The following AXDND1 variants were observed in gnomAD, a reference collection of about 807,000 sequenced individuals.
AXDND1 encodes the protein axonemal dynein light chain domain containing 1.
A neutral mutation model predicts 137.5 loss-of-function variants in AXDND1; 110 were observed. The observed-to-expected ratio is 0.80, with a 90% CI of 0.69 to 0.94. AXDND1 has a LOEUF of 0.94. AXDND1 is among the 40% of genes least tolerant of loss of function. The pLI, the probability that AXDND1 is intolerant of heterozygous loss-of-function variation, is 0.00. For missense variants in AXDND1, 1,191 were observed against 1,169.8 expected (o/e 1.02, Z -0.26); for synonymous variants, 414 against 399.7 (o/e 1.04, Z -0.43).
chr1:179,396,591 T>G (rs1482070762), intron 11 of AXDND1, among the ~76,000 whole-genome samples: 1 of 151,360 alleles, frequency 6.6e-6, no homozygotes, highest in East Asian at 1.9e-4. Context: ...GAGGTTGCAG[T>G]GAGCCGAGAC....
At chr1:179,420,302 A>G (rs947550880) in intron 12 of AXDND1, among the ~76,000 whole-genome samples, 3 of 152,212 alleles carry the variant, frequency 2.0e-5, no homozygotes, top group African/African-American at 7.2e-5. Flanking sequence ...CCACTTGATC[A>G]TGGTGAATGA....
intron 16 of AXDND1, chr1:179,448,431 TCTG>T (rs1270105363): frequency 2.0e-5 from 11 of 557,358 alleles, no homozygotes; most frequent in African/African-American, 1.9e-4. Context: ...TGTATTTTCT[TCTG>T]CACCATTTTC....
At chr1:179,503,891 G>T in intron 20 of AXDND1, among the ~76,000 whole-genome samples, 1 of 152,282 alleles carries the variant, frequency 6.6e-6, no homozygotes, top group Non-Finnish European at 1.5e-5. Context: ...TATAAACAGT[G>T]TAAGAGCATA....
At chr1:179,502,455 T>C (rs553921886) in intron 20 of AXDND1, among the ~76,000 whole-genome samples, 3 of 148,984 alleles carry the variant, frequency 2.0e-5, no homozygotes, top group South Asian at 2.1e-4. Context: ...TCCCAGCTAC[T>C]GGGGAGGCTG....
intron 6 of AXDND1, 121 bp from the exon 7 acceptor site, chr1:179,382,579 C>G: frequency 1.5e-6 from 1 of 649,098 alleles, no homozygotes; most frequent in Non-Finnish European, 2.7e-6. Flanking sequence ...CCAAGCAGTA[C>G]TCATTCCTTT....
chr1:179,367,488 C>A (rs1667563899), intron 2 of AXDND1, among the ~76,000 whole-genome samples: 1 of 152,100 alleles, frequency 6.6e-6, no homozygotes, highest in Admixed American at 6.5e-5. Flanking sequence ...GCACTCCAGC[C>A]TGGCGACAGA....
chr1:179,375,910 A>G (rs945569796), intron 4 of AXDND1, among the ~76,000 whole-genome samples: 5 of 152,168 alleles, frequency 3.3e-5, no homozygotes, highest in African/African-American at 4.8e-5. Flanking sequence ...ACCAATATAT[A>G]CGTTTAAAAA....
intron 19 of AXDND1, 35 bp from the exon 20 acceptor site, chr1:179,492,820 T>C (rs1254774672): frequency 7.1e-7 from 1 of 1,410,162 alleles, no homozygotes; most frequent in Non-Finnish European, 9.9e-7. Flanking sequence ...GTGTATTTGC[T>C]CTTTTTCTTT....
At chr1:179,507,625 T>C (rs930831962) in intron 20 of AXDND1, among the ~76,000 whole-genome samples, 1 of 152,170 alleles carries the variant, frequency 6.6e-6, no homozygotes, top group African/African-American at 2.4e-5. Flanking sequence ...AATTGATGAA[T>C]ATCACTGAAA....
intron 11 of AXDND1, 39 bp from the exon 12 acceptor site, chr1:179,411,107 T>A (rs774501315): frequency 1.4e-6 from 2 of 1,460,170 alleles, no homozygotes; most frequent in Admixed American, 2.2e-5. Flanking sequence ...ATATTGTTAG[T>A]ATAAATTAAA....
At chr1:179,535,844 T>C (rs1671500959) in intron 25 of AXDND1, among the ~76,000 whole-genome samples, 1 of 152,026 alleles carries the variant, frequency 6.6e-6, no homozygotes, top group African/African-American at 2.4e-5. Context: ...CCACCAACAG[T>C]GTAAAAGTGT....
chr1:179,375,799 C>T (rs192269870), intron 4 of AXDND1, among the ~76,000 whole-genome samples: 8 of 152,144 alleles, frequency 5.3e-5, no homozygotes, highest in African/African-American at 1.4e-4. Flanking sequence ...AGAAAGAATC[C>T]GGAGGATTGG....
intron 15 of AXDND1, among the ~76,000 whole-genome samples, chr1:179,434,351 T>A (rs1417071671): frequency 6.6e-6 from 1 of 152,180 alleles, no homozygotes. Flanking sequence ...AACTCATTTA[T>A]GAGGCCAGCA....
chr1:179,538,433 C>T (rs1347148847), intron 25 of AXDND1, among the ~76,000 whole-genome samples: 2 of 152,064 alleles, frequency 1.3e-5, no homozygotes, highest in Admixed American at 6.6e-5. Context: ...TTATTTCTGC[C>T]CTCATTTTGT....
At chr1:179,394,580 AC>A (rs1288696262) in intron 10 of AXDND1, among the ~76,000 whole-genome samples, 3 of 152,112 alleles carry the variant, frequency 2.0e-5, no homozygotes, top group Non-Finnish European at 4.4e-5. Flanking sequence ...ACGGAGCGAG[AC>A]CCTGTCTCAG....
At chr1:179,456,577 C>T (rs566818691) in intron 16 of AXDND1, 23 of 779,964 alleles carry the variant, frequency 2.9e-5, no homozygotes, top group African/African-American at 2.9e-4. Context: ...GGGCCACCTC[C>T]TCCATAACCA....
At chr1:179,463,138 A>T (rs2125452574) in intron 16 of AXDND1, among the ~76,000 whole-genome samples, 1 of 152,126 alleles carries the variant, frequency 6.6e-6, no homozygotes, top group East Asian at 1.9e-4. Context: ...CTCTGATGTT[A>T]GTTATTTCTT....
Position 179,485,078 on chromosome 1 carries a change from G to A in AXDND1, c.2091+1857G>A, listed in dbSNP as rs151328047. Among the ~76,000 whole-genome samples the A allele has an allele frequency of 7.9e-4, 120 of 152,336 alleles. No individual in the cohort carries two copies. The Middle Eastern group carries it at 0.014, about 17-fold the overall frequency. On this transcript the variant is annotated intron_variant, in intron 18 of 25. Transcript: ENST00000367618. ...ATCTGCCAGCACTCGGCCCCCATGC[G>A]TGAACATGCACAGGGACATTGGTGG...
At chr1:179,528,193 T>G in intron 22 of AXDND1, 134 bp from the exon 23 acceptor site, 6 of 632,040 alleles carry the variant, frequency 9.5e-6, no homozygotes, top group Non-Finnish European at 1.4e-5. Context: ...TCTTCAAAAA[T>G]TCTTGTTGTG....
Sources: gnomAD v4.1 joint callset for allele counts (sites outside exome capture counted in the v4.1 genomes callset) on GRCh38, gnomAD v4.1.1 for gene constraint, MANE v1.5 for transcripts, NCBI Gene and HGNC (gene_info 2026-07-23, HGNC 2026-07-21) for gene names.